The following ATF2 variants were observed in gnomAD, a reference collection of about 807,000 sequenced individuals.
ATF2 encodes activating transcription factor 2.
ATF2 carries 24 observed loss-of-function variants against 60.6 expected under a neutral mutation model. That is an observed-to-expected ratio of 0.40 (90% CI 0.29 to 0.56). The LOEUF is 0.56. ATF2 is among the 20% of genes least tolerant of loss of function. The probability of loss-of-function intolerance (pLI) is 0.54; values close to 1 mark genes in which losing one functional copy is unlikely to be tolerated. For missense variants in ATF2, 433 were observed against 607.7 expected, an observed-to-expected ratio of 0.71 and a Z score of 3.02; for synonymous variants, 206 against 215.4, an observed-to-expected ratio of 0.96 and a Z score of 0.38.
intron 3 of ATF2, among the ~76,000 whole-genome samples, chr2:175,134,312 G>A (rs142811283): frequency 1.3e-5 from 2 of 152,186 alleles, no homozygotes; most frequent in Non-Finnish European, 2.9e-5. Flanking sequence ...ATAAGTAACT[G>A]GAGCATCCTC....
rs71419421 is a variant in ATF2 at position 175,125,190 on chromosome 2, G to A, written c.103-3650C>T. On this transcript the variant is annotated intron_variant, in intron 4 of 13. Transcript: ENST00000264110. ...CAAAAAATAACAAGAAACTTAAAAA[G>A]ACTGTGTGAAAAAGCAATCTTGTGA... Among the ~76,000 whole-genome samples the A allele has an allele frequency of 1.3e-3, 198 of 152,048 alleles. 2 individuals carry two copies. Among genetic ancestry groups the A allele is most frequent in the South Asian group, 0.011 (52 of 4,820 alleles).
At chr2:175,124,680 C>T (rs1033322664) in intron 4 of ATF2, among the ~76,000 whole-genome samples, 1 of 151,118 alleles carries the variant, frequency 6.6e-6, no homozygotes. Context: ...CACACACACG[C>T]ACACACTCCC....
chr2:175,093,512 TATA>T (rs1441212410), intron 11 of ATF2, among the ~76,000 whole-genome samples: 1 of 152,190 alleles, frequency 6.6e-6, no homozygotes, highest in African/African-American at 2.4e-5. Flanking sequence ...ATTCTTTATG[TATA>T]ATATTTTCAT....
At chr2:175,130,020 C>G (rs1395642535) in intron 4 of ATF2, 118 bp downstream of exon 4, 47 of 795,718 alleles carry the variant, frequency 5.9e-5, no homozygotes, top group Non-Finnish European at 8.6e-5. Flanking sequence ...TTTTTTCATC[C>G]TAACTCTAAA....
At chr2:175,149,849 T>C (rs1396747854) in intron 2 of ATF2, among the ~76,000 whole-genome samples, 1 of 152,140 alleles carries the variant, frequency 6.6e-6, no homozygotes, top group Non-Finnish European at 1.5e-5. Flanking sequence ...ATTCCTTTCT[T>C]AGTCAACACC....
chr2:175,097,081 A>T (rs1574353966), intron 11 of ATF2, among the ~76,000 whole-genome samples: 1 of 152,350 alleles, frequency 6.6e-6, no homozygotes, highest in East Asian at 1.9e-4. Context: ...ACTATTTTCC[A>T]AAGTCATAAC....
At chr2:175,079,063 C>A (rs1693573264) in intron 13 of ATF2, among the ~76,000 whole-genome samples, 1 of 152,074 alleles carries the variant, frequency 6.6e-6, no homozygotes, top group Non-Finnish European at 1.5e-5. Flanking sequence ...ATGTATTAAT[C>A]TAGATTTTCA....
chr2:175,136,038 G>T (rs1698125860), intron 3 of ATF2, among the ~76,000 whole-genome samples: 1 of 140,100 alleles, frequency 7.1e-6, no homozygotes, highest in African/African-American at 2.6e-5. Context: ...TTTTTTGGCA[G>T]GACTCTTCAC....
chr2:175,130,667 G>A (rs1015108032), intron 3 of ATF2, among the ~76,000 whole-genome samples: 16 of 152,056 alleles, frequency 1.1e-4, no homozygotes, highest in Admixed American at 1.3e-4. Flanking sequence ...ACATCAACAT[G>A]TCTAAAAACA....
intron 10 of ATF2, among the ~76,000 whole-genome samples, chr2:175,110,016 T>C (rs113191618): frequency 4.6e-5 from 7 of 152,296 alleles, no homozygotes; most frequent in African/African-American, 1.7e-4. Context: ...TTCTGACTGA[T>C]TGTCTGCACT....
At position 175,091,318 on chromosome 2, in the gene ATF2, T is replaced by C. The variant is rs142174414; in HGVS notation, c.1185+1743A>G. Reference sequence around the variant, plus strand: ...TGAAGACAACAGTGATTGTGTTTTATGTCATACAACTATAAAATAGCAGGT... The same window carrying C: ...TGAAGACAACAGTGATTGTGTTTTACGTCATACAACTATAAAATAGCAGGT... On this transcript the variant is annotated intron_variant, in intron 12 of 13. Transcript: ENST00000264110. Among the ~76,000 whole-genome samples, 376 of 152,260 alleles carry C rather than the reference T, an allele frequency of 2.5e-3. 2 individuals carry two copies. Among genetic ancestry groups the C allele is most frequent in the African/African-American group, 7.9e-3 (328 of 41,560 alleles).
At chr2:175,142,749 GTGATCA>G (rs1176478707) in intron 2 of ATF2, among the ~76,000 whole-genome samples, 3 of 147,506 alleles carry the variant, frequency 2.0e-5, no homozygotes, top group Non-Finnish European at 1.5e-5. Context: ...GTGTGTGTGT[GTGATCA>G]ATCTTACATA....
Position 175,074,706 on chromosome 2 carries a change from G to GAAC in ATF2, c.1420_1421insGTT (p.Thr474delinsSerSer). 6.2e-7 allele frequency: 1 copy of GAAC among 1,613,452 alleles called. No individual in the cohort carries two copies. Among genetic ancestry groups the GAAC allele is most frequent in the South Asian group, 1.1e-5 (1 of 91,076 alleles). On this transcript the variant is annotated protein_altering_variant, in exon 14 of 14. Transcript: ENST00000264110. ...GTCCGCCATCTGGGTGAGGACTGAA[G>GAAC]TGGCTACAGCTTCTGCCTTGGAGGT...
intron 4 of ATF2, among the ~76,000 whole-genome samples, chr2:175,128,422 C>T (rs967657803): frequency 3.9e-5 from 6 of 151,982 alleles, no homozygotes; most frequent in African/African-American, 1.5e-4. Context: ...ATCACTTTAA[C>T]CTGGGAGGCG....
At position 175,097,565 on chromosome 2, in the gene ATF2, T is replaced by A. The variant is rs1457897019; in HGVS notation, c.857A>T (p.His286Leu). The part of the protein sequence containing the change: ...MRLKAALTQQ[H>L]PPVTNGDTVK... ...AGTATCACCATTGGTAACTGGAGGA[T>A]GTTGCTGGGTCAAAGCAGCTTTTAA... Residue 286 changes from histidine to leucine, a missense_variant, in exon 11 of 14, where the codon CAT (histidine) becomes CTT (leucine). His to Leu is a moderately conservative substitution (Grantham distance 99). Coordinates refer to ENST00000264110, the MANE Select transcript of ATF2 (RefSeq NM_001880.4). 2.5e-6 allele frequency: 4 copies of A among 1,614,122 alleles called. No homozygotes were observed.
chr2:175,165,436 C>T (rs1574526406), intron 1 of ATF2, among the ~76,000 whole-genome samples: 1 of 152,302 alleles, frequency 6.6e-6, no homozygotes, highest in East Asian at 1.9e-4. Flanking sequence ...CCTGATCTAA[C>T]ACGATCTAAC....
chr2:175,122,805 A>C (rs933097060), intron 4 of ATF2, among the ~76,000 whole-genome samples: 2 of 152,022 alleles, frequency 1.3e-5, no homozygotes, highest in Non-Finnish European at 2.9e-5. Context: ...AACTGAAAGA[A>C]TGAATTCATT....
At position 175,088,953 on chromosome 2, in the gene ATF2, G is replaced by A. The variant is rs541511035; in HGVS notation, c.1185+4108C>T. 1.2e-4 allele frequency among the ~76,000 whole-genome samples: 19 copies of A among 152,154 alleles called. No individual in the cohort carries two copies. In the South Asian group the frequency reaches 3.1e-3, roughly 25 times the overall value. ...TCCCAGCACTTTGGGAAGCTGAGGC[G>A]GGCAGATCACTTGAGGTCGGGAGTT... On this transcript the variant is annotated intron_variant, in intron 12 of 13. Transcript: ENST00000264110.
At chr2:175,110,538 C>T (rs933199936) in intron 10 of ATF2, among the ~76,000 whole-genome samples, 14 of 152,072 alleles carry the variant, frequency 9.2e-5, no homozygotes, top group Admixed American at 7.2e-4. Context: ...CCCAATTAAT[C>T]GATGTTATTA....
Sources: allele counts gnomAD v4.1 joint callset (sites outside exome capture counted in the v4.1 genomes callset), GRCh38; gene constraint gnomAD v4.1.1; transcripts MANE v1.5; gene names NCBI Gene and HGNC (gene_info 2026-07-23, HGNC 2026-07-21).